The following ABHD1 variants were observed in gnomAD, a reference collection of about 807,000 sequenced individuals.
ABHD1 encodes protein ABHD1.
Under a neutral mutation model 41.4 loss-of-function variants are expected in ABHD1, and 47 were observed. The ratio of observed to expected loss-of-function variants is 1.13; its 90% CI spans 0.90 to 1.45. ABHD1 has a LOEUF of 1.45. ABHD1 is among the 40% of genes most tolerant of loss of function. ABHD1 has a pLI of 0.00. For missense variants in ABHD1, 550 were observed against 503.4 expected (o/e 1.09, Z -0.89); for synonymous variants, 205 against 203.7 (o/e 1.01, Z -0.05).
intron 2 of ABHD1, 82 bp from the exon 3 acceptor site, chr2:27,128,863 T>C: frequency 6.7e-7 from 1 of 1,484,254 alleles, no homozygotes; most frequent in Non-Finnish European, 9.2e-7. Context: ...AAGACTTGTT[T>C]GTGGGTGGGG....
chr2:27,128,857 CTTGT>C lies in ABHD1; in HGVS notation c.276-83_276-80del, dbSNP rs1270148118. On this transcript the variant is annotated intron_variant, in intron 2 of 8. Coordinates refer to ENST00000316470, the MANE Select transcript of ABHD1 (RefSeq NM_032604.4). ...ATGATGCTGACGGGAAGTGATAAGA[CTTGT>C]TTGTGGGTGGGGCAGGGGGCAAAGC... 4 of 1,463,342 alleles carry C rather than the reference CTTGT, an allele frequency of 2.7e-6. No homozygotes were observed. The East Asian group carries it at 9.1e-5, about 33-fold the overall frequency. The allele number at this position is 1,463,342 out of a possible 1,614,324, so 90.6% of individuals were successfully genotyped here.
intron 6 of ABHD1, 88 bp from the exon 7 acceptor site, chr2:27,130,017 G>A: frequency 6.2e-7 from 1 of 1,610,506 alleles, no homozygotes; most frequent in Non-Finnish European, 8.5e-7. Flanking sequence ...TTCTCTCTGG[G>A]CTTCCTCACA....
chr2:27,130,682 C>T lies in ABHD1; in HGVS notation c.1156C>T (p.Gln386Ter), dbSNP rs759428689. The change falls in exon 9 of 9, where the codon CAG becomes TAG. Residue 386 changes from glutamine (Q) to a stop codon, truncating the protein, a stop_gained. Coordinates refer to ENST00000316470, the MANE Select transcript of ABHD1 (RefSeq NM_032604.4). LOFTEE classifies it low-confidence loss of function (END_TRUNC). ...LLHQYAKAIFQDPEGLPDLRA... is the reference protein window; with the variant it reads ...LLHQYAKAIF ...GCATCAGTACGCCAAAGCCATCTTC[C>T]AGGACCCAGAGGGGCTGCCTGACCT... The T allele has an allele frequency of 2.5e-6, 4 of 1,614,236 alleles. No individual in the cohort carries two copies. In the South Asian group the frequency reaches 3.3e-5, roughly 13 times the overall value.
At chr2:27,128,907 T>C in intron 2 of ABHD1, 38 bp from the exon 3 acceptor site, 6 of 1,600,328 alleles carry the variant, frequency 3.7e-6, no homozygotes, top group Non-Finnish European at 5.1e-6. Context: ...CATTAAGTTC[T>C]TAATAGTATC....
chr2:27,125,137 CAA>C (rs56094247), intron 1 of ABHD1: 19 of 100,268 alleles, frequency 1.9e-4, no homozygotes, highest in Admixed American at 1.9e-4. Flanking sequence ...AACTCCGTCT[CAA>C]AAAAAAAAAA....
chr2:27,128,276 G>A, intron 1 of ABHD1, 165 bp from the exon 2 acceptor site: 1 of 805,186 alleles, frequency 1.2e-6, no homozygotes, highest in Non-Finnish European at 2.1e-6. Context: ...TGTATTATCA[G>A]ACTTGGCCAT....
intron 1 of ABHD1, among the ~76,000 whole-genome samples, chr2:27,127,510 C>T (rs1184855659): frequency 7.7e-6 from 1 of 129,586 alleles, no homozygotes; most frequent in Non-Finnish European, 1.6e-5. Context: ...GCCGAGATTG[C>T]GCCACTGCAC....
chr2:27,127,236 C>CTT (rs61505752), intron 1 of ABHD1, among the ~76,000 whole-genome samples: 5,706 of 82,728 alleles, frequency 0.069, 696 homozygotes, highest in Non-Finnish European at 0.11. Flanking sequence ...GTAGCTTCAT[C>CTT]TTTTTTTTTT....
chr2:27,125,200 T>C (rs1006441832), intron 1 of ABHD1: 1 of 152,010 alleles, frequency 6.6e-6, no homozygotes, highest in Non-Finnish European at 1.5e-5. Context: ...CACAATACTC[T>C]GTAGGCCTCA....
rs747642251 is a variant in ABHD1 at position 27,130,233 on chromosome 2, C to T, written c.841-18C>T. 1.9e-6 allele frequency: 3 copies of T among 1,614,168 alleles called. No individual in the cohort carries two copies. Among genetic ancestry groups the T allele is most frequent in the Non-Finnish European group, 2.5e-6 (3 of 1,180,024 alleles). On this transcript the variant is annotated intron_variant, in intron 7 of 8. Coordinates refer to ENST00000316470, the MANE Select transcript of ABHD1 (RefSeq NM_032604.4). Reference sequence around the variant, plus strand: ...CTATTCTTTATCATCTTAGCCTATCCTATGGTAAGACCTGCAGGCCCGTAC... The same window carrying T: ...CTATTCTTTATCATCTTAGCCTATCTTATGGTAAGACCTGCAGGCCCGTAC...
chr2:27,129,772 C>T lies in ABHD1; in HGVS notation c.636C>T (p.His212=), dbSNP rs1339354778. 1 of 1,614,132 alleles carries T rather than the reference C, an allele frequency of 6.2e-7. No individual in the cohort carries two copies. The highest frequency in any genetic ancestry group is 1.7e-5 in the Admixed American group (1 of 60,036). Residue 212 remains histidine (H), a synonymous_variant, in exon 6 of 9, where the codon CAC becomes CAT. Transcript: ENST00000316470. ...TCCACAGGATACTGGTGCTGAATCACCTGGCACAGGCCAGGCAGGCTGCAG... is the reference window on the plus strand; with the variant it reads ...TCCACAGGATACTGGTGCTGAATCATCTGGCACAGGCCAGGCAGGCTGCAG... The part of the protein sequence containing the change: ...ISFGGILVLN[H]LAQARQAAGL...
Position 27,130,666 on chromosome 2 carries a change from C to G in ABHD1, c.1140C>G (p.Tyr380Ter), listed in dbSNP as rs201724133. 2.5e-6 allele frequency: 4 copies of G among 1,614,228 alleles called. No homozygotes were observed. In the South Asian group the frequency reaches 3.3e-5, roughly 13 times the overall value. ...ACATGAGCCGCCTCTTGCATCAGTA[C>G]GCCAAAGCCATCTTCCAGGACCCAG... Reference protein sequence around the residue: ...HWYMSRLLHQYAKAIFQDPEG... With the variant: ...HWYMSRLLHQ Residue 380 changes from tyrosine to a stop codon, truncating the protein, a stop_gained, in exon 9 of 9, where the codon TAC becomes TAG. Transcript: ENST00000316470. LOFTEE classifies it low-confidence loss of function (END_TRUNC).
chr2:27,129,292 A>G (rs1198021491), intron 3 of ABHD1, 24 bp from the exon 4 acceptor site: 1 of 1,613,914 alleles, frequency 6.2e-7, no homozygotes, highest in East Asian at 2.2e-5. Context: ...GGGTCTGGCT[A>G]AGATGTACCT....
intron 1 of ABHD1, 85 bp downstream of exon 1, chr2:27,124,147 T>A: frequency 1.6e-6 from 2 of 1,253,464 alleles, no homozygotes; most frequent in Non-Finnish European, 2.3e-6. Flanking sequence ...TGGTGGGAAC[T>A]GGGATGGTTG....
intron 3 of ABHD1, 46 bp downstream of exon 3, chr2:27,129,173 G>T (rs1283707676): frequency 6.3e-7 from 1 of 1,599,720 alleles, no homozygotes; most frequent in Admixed American, 1.7e-5. Context: ...CTGAGAACGT[G>T]TATTAGGGAG....
rs199663793 is a variant in ABHD1 at position 27,129,613 on chromosome 2, A to G, written c.604A>G (p.Ile202Val). 2.0e-5 allele frequency: 32 copies of G among 1,613,102 alleles called. No homozygotes were observed. The highest frequency in any genetic ancestry group is 2.6e-5 in the Non-Finnish European group (31 of 1,180,008). ...YPQAPLLAVG[I>V]SFGGILVLNH... The stretch of plus-strand genomic sequence containing the variant: ...CCAAGCTCCACTGCTGGCCGTGGGC[A>G]TCTCTTTTGGAGGGTAAAGATTGCC... The change falls in exon 5 of 9, where the codon ATC becomes GTC. Residue 202 changes from isoleucine (I) to valine (V), a missense_variant. Physicochemically the swap from Ile to Val is conservative, Grantham distance 29. Coordinates refer to ENST00000316470, the MANE Select transcript of ABHD1 (RefSeq NM_032604.4).
rs755869363 is a variant in ABHD1 at position 27,129,360 on chromosome 2, G to T, written c.503G>T (p.Arg168Leu). ...NNRGCRGEEL[R>L]THRAFCASNT... is the part of the protein sequence containing the mutation. ...CGGGGCTGCCGTGGGGAGGAACTGC[G>T]GGTGAGTAGCTGCCTTCCTCATAGC... The change falls in exon 4 of 9, where the codon CGG becomes CTG. Residue 168 changes from arginine (R) to leucine (L), a missense_variant and splice_region_variant. Arg to Leu is a moderately radical substitution (Grantham distance 102). Transcript: ENST00000316470. The T allele has an allele frequency of 2.5e-6, 4 of 1,614,100 alleles. No homozygotes were observed. Among genetic ancestry groups the T allele is most frequent in the Non-Finnish European group, 3.4e-6 (4 of 1,180,024 alleles).
chr2:27,129,173 G>A, intron 3 of ABHD1, 46 bp downstream of exon 3: 14 of 1,599,720 alleles, frequency 8.8e-6, no homozygotes, highest in Non-Finnish European at 1.2e-5. Context: ...CTGAGAACGT[G>A]TATTAGGGAG....
In ABHD1 at chr2:27,130,357, C is replaced by A; in HGVS notation, c.947C>A (p.Ala316Asp). The change falls in exon 8 of 9, where the codon GCC (alanine) becomes GAC (aspartate). Residue 316 changes from alanine to aspartate, a missense_variant. By Grantham distance (126) the Ala-to-Asp change is moderately radical. Transcript: ENST00000316470. ...KAASPRTKID[A>D]IRIPVLYLSA... ...GCAAGCCCTAGAACCAAGATAGATG[C>A]CATCCGGATCCCTGTGCTCTATCTC... is the stretch of plus-strand genomic sequence containing the variant. 1.2e-6 allele frequency: 2 copies of A among 1,614,202 alleles called. No homozygotes were observed. The highest frequency in any genetic ancestry group is 4.5e-5 in the East Asian group (2 of 44,888).
Sources: allele counts gnomAD v4.1 joint callset (sites outside exome capture counted in the v4.1 genomes callset), GRCh38; gene constraint gnomAD v4.1.1; transcripts MANE v1.5; gene names NCBI Gene and HGNC (gene_info 2026-07-23, HGNC 2026-07-21).